The following MARK4 variants were observed in gnomAD, a reference collection of about 807,000 sequenced individuals.
MARK4 encodes the protein microtubule affinity regulating kinase 4.
In MARK4, 19 loss-of-function variants were observed where a neutral mutation model predicts 81.5. That is an observed-to-expected ratio of 0.23 (90% confidence interval 0.16 to 0.34). The LOEUF is 0.34. MARK4 is among the 10% of genes least tolerant of loss of function. MARK4 has a pLI of 1.00. For synonymous variants in MARK4, 436 were observed against 439.0 expected, an observed-to-expected ratio of 0.99 and a Z score of 0.08; for missense variants, 772 against 1,058.8, an observed-to-expected ratio of 0.73 and a Z score of 3.76.
chr19:45,266,128 G>C (rs2240671), intron 6 of MARK4, 97 bp from the exon 7 acceptor site: 317,039 of 1,235,478 alleles, frequency 0.26, 43,274 homozygotes, highest in Non-Finnish European at 0.29. Flanking sequence ...GTGCCTTGGG[G>C]AGGCCTGGGG....
chr19:45,302,327 A>G lies in MARK4; in HGVS notation c.1923-47A>G. The G allele has an allele frequency of 6.2e-7, 1 of 1,613,134 alleles. No homozygotes were observed. On this transcript the variant is annotated intron_variant, in intron 16 of 16. Transcript: ENST00000262891. This position sits in a 1 kb window ranked among gnomAD's most constrained non-coding sequence, Gnocchi z 4.9. ...AGTTGTCCCTTCAGCCCTCCACCAC[A>G]TTCCTCTTCGCTCCCATCTCTGACC... is the stretch of plus-strand genomic sequence containing the variant.
intron 7 of MARK4, among the ~76,000 whole-genome samples, chr19:45,270,410 A>G (rs1281522218): frequency 6.6e-6 from 1 of 152,152 alleles, no homozygotes; most frequent in East Asian, 1.9e-4. Context: ...AGTGCATGGT[A>G]GATATGCAAC....
At chr19:45,268,432 A>C (rs1232283673) in intron 7 of MARK4, among the ~76,000 whole-genome samples, 1 of 151,984 alleles carries the variant, frequency 6.6e-6, no homozygotes, top group African/African-American at 2.4e-5. Context: ...AAAAATACAA[A>C]AATTAGGTGG....
intron 14 of MARK4, among the ~76,000 whole-genome samples, chr19:45,296,283 C>A (rs1970885881): frequency 6.6e-6 from 1 of 152,140 alleles, no homozygotes; most frequent in Non-Finnish European, 1.5e-5. Flanking sequence ...CAGCTAGCTG[C>A]TGTAATAAAA....
chr19:45,276,767 A>G (rs1221879625), intron 8 of MARK4, among the ~76,000 whole-genome samples: 1 of 150,808 alleles, frequency 6.6e-6, no homozygotes, highest in African/African-American at 2.4e-5. Flanking sequence ...CTGGGATTAC[A>G]GGGGTCTGCT....
rs1970983073 is a variant in MARK4, at chr19:45,302,101, T to C, written c.1923-273T>C. ...GGAGAGCCTGGCACATGCAGGTTCTTTGAAGGAACTGATGTGGATGGCACA... is the reference window on the plus strand; with the variant it reads ...GGAGAGCCTGGCACATGCAGGTTCTCTGAAGGAACTGATGTGGATGGCACA... On this transcript the variant is annotated intron_variant, in intron 16 of 16. Coordinates refer to ENST00000262891, the MANE Select transcript of MARK4 (RefSeq NM_001199867.2). The surrounding 1 kb of genome is among the most constrained non-coding windows in gnomAD (Gnocchi z 4.9). Among the ~76,000 whole-genome samples, 1 of 152,136 alleles carries C rather than the reference T, an allele frequency of 6.6e-6. No homozygotes were observed. Among genetic ancestry groups the C allele is most frequent in the Non-Finnish European group, 1.5e-5 (1 of 68,008 alleles).
chr19:45,270,152 T>G (rs1970507105), intron 7 of MARK4, among the ~76,000 whole-genome samples: 2 of 152,146 alleles, frequency 1.3e-5, no homozygotes, highest in East Asian at 1.9e-4. Flanking sequence ...GATCACTGAC[T>G]GTGCTCTAGG....
At chr19:45,278,488 C>T (rs1325209865) in intron 9 of MARK4, 28 bp from the exon 10 acceptor site, 2 of 1,594,740 alleles carry the variant, frequency 1.3e-6, no homozygotes, top group East Asian at 2.2e-5. Context: ...CACCTGTCTT[C>T]CCCCTTCCCT....
At chr19:45,292,905 A>G (rs1381031283) in intron 13 of MARK4, among the ~76,000 whole-genome samples, 5 of 152,092 alleles carry the variant, frequency 3.3e-5, no homozygotes, top group Admixed American at 2.6e-4. Context: ...ATTAAAGAGA[A>G]TAAATCAGTG....
chr19:45,299,910 T>C, intron 16 of MARK4, 55 bp downstream of exon 16: 1 of 1,540,044 alleles, frequency 6.5e-7, no homozygotes. Context: ...CCTCAGCACC[T>C]CCCGACACTT....
chr19:45,261,890 G>T (rs754267945), intron 2 of MARK4, among the ~76,000 whole-genome samples: 1 of 150,566 alleles, frequency 6.6e-6, no homozygotes, highest in African/African-American at 2.4e-5. Context: ...CCAAGATTGC[G>T]CCATTGCACT....
chr19:45,291,061 A>G (rs1210787993), intron 13 of MARK4, among the ~76,000 whole-genome samples: 2 of 152,100 alleles, frequency 1.3e-5, no homozygotes, highest in Non-Finnish European at 2.9e-5. Flanking sequence ...GATAAGTACA[A>G]ATTCATGCCC....
At chr19:45,277,840 T>G in intron 8 of MARK4, 83 bp from the exon 9 acceptor site, 1 of 1,187,190 alleles carries the variant, frequency 8.4e-7, no homozygotes, top group Non-Finnish European at 1.2e-6. Context: ...TGTGTGTGTG[T>G]GTGTGTGTGT....
At chr19:45,298,144 G>T (rs769949564) in intron 15 of MARK4, 190 bp downstream of exon 15, 1 of 1,613,444 alleles carries the variant, frequency 6.2e-7, no homozygotes, top group South Asian at 1.1e-5. Context: ...ACACTGCAGG[G>T]TTACCCTCGA....
chr19:45,255,866 C>G (rs557762469), intron 1 of MARK4, among the ~76,000 whole-genome samples: 1 of 149,134 alleles, frequency 6.7e-6, no homozygotes, highest in East Asian at 1.9e-4. Flanking sequence ...CGGGAGGCCT[C>G]AGGCACCCTG....
chr19:45,288,838 A>G (rs1970783158), intron 13 of MARK4, among the ~76,000 whole-genome samples: 1 of 124,920 alleles, frequency 8.0e-6, no homozygotes, highest in South Asian at 2.7e-4. Context: ...TGACAGAGCA[A>G]GACTCTGTCT....
intron 13 of MARK4, 121 bp from the exon 14 acceptor site, chr19:45,294,228 C>A: frequency 1.2e-6 from 1 of 863,806 alleles, no homozygotes; most frequent in South Asian, 1.5e-5. Context: ...TCCTACTCAC[C>A]CTGGGTTCCC....
chr19:45,274,010 G>T (rs141730068), intron 8 of MARK4, among the ~76,000 whole-genome samples: 3,399 of 152,342 alleles, frequency 0.022, 57 homozygotes, highest in Non-Finnish European at 0.035. Context: ...AGCACTTTGG[G>T]AGGCCGAGGC....
intron 13 of MARK4, among the ~76,000 whole-genome samples, chr19:45,294,133 C>A (rs1166876793): frequency 6.6e-6 from 1 of 152,150 alleles, no homozygotes; most frequent in Non-Finnish European, 1.5e-5. Context: ...CCCCTCTTCT[C>A]CGGTCTCCAG....
Sources: allele counts gnomAD v4.1 joint callset (sites outside exome capture counted in the v4.1 genomes callset), GRCh38; gene constraint gnomAD v4.1.1; non-coding constraint Gnocchi (gnomAD v3.1); transcripts MANE v1.5; gene names NCBI Gene and HGNC (gene_info 2026-07-23, HGNC 2026-07-21).